NUP50: variants seen among roughly 807,000 people sequenced by gnomAD.
NUP50 encodes nuclear pore complex protein Nup50.
Under a neutral mutation model 36.8 loss-of-function variants are expected in NUP50, and 14 were observed. That is an observed-to-expected ratio of 0.38 (90% CI 0.25 to 0.59). The LOEUF (loss-of-function observed/expected upper bound fraction) is 0.59, where lower values mean the gene tolerates loss of function less well. NUP50 is among the 20% of genes least tolerant of loss of function. NUP50 has a pLI of 0.63. For missense variants in NUP50, 455 were observed against 564.6 expected (o/e 0.81, Z 1.97); for synonymous variants, 195 against 210.8 (o/e 0.93, Z 0.65).
intron 2 of NUP50, among the ~76,000 whole-genome samples, chr22:45,170,586 A>G (rs9626644): frequency 0.05 from 7,593 of 152,152 alleles, 499 homozygotes; most frequent in African/African-American, 0.14. Context: ...CTCCTCACAT[A>G]TGTTTAGGGA....
chr22:45,184,527 GTC>G lies in NUP50; in HGVS notation c.1281_1282del (p.Val429SerfsTer6). 1 of 1,613,512 alleles carries G rather than the reference GTC, an allele frequency of 6.2e-7. No homozygotes were observed. The highest frequency in any genetic ancestry group is 8.5e-7 in the Non-Finnish European group (1 of 1,179,548). On this transcript the variant is annotated frameshift_variant, in exon 8 of 8. Coordinates refer to ENST00000347635, the MANE Select transcript of NUP50 (RefSeq NM_007172.4). LOFTEE classifies it high-confidence loss of function. ...AACAGGGAAGAATAACGTTCTTATCGTCTGTGTTCCAAATCCACCAATTGACG... is the reference window on the plus strand; with the variant it reads ...AACAGGGAAGAATAACGTTCTTATCGTGTGTTCCAAATCCACCAATTGACG... ...TRTGKNNVLIVCVPNPPIDEK... is the reference protein window; with the variant it reads ...TRTGKNNVLIXCVPNPPIDEK...
chr22:45,184,413 G>T (rs756925349), intron 7 of NUP50, 40 bp from the exon 8 acceptor site: 26 of 1,571,064 alleles, frequency 1.7e-5, no homozygotes, highest in Non-Finnish European at 2.2e-5. Context: ...TGGAGCTATA[G>T]CTTCTATAAT....
At chr22:45,173,452 A>G (rs1225736179) in intron 3 of NUP50, among the ~76,000 whole-genome samples, 4 of 151,564 alleles carry the variant, frequency 2.6e-5, no homozygotes, top group African/African-American at 9.7e-5. Context: ...CTGGGAAGAT[A>G]CATGGGGGGA....
intron 3 of NUP50, among the ~76,000 whole-genome samples, chr22:45,175,509 T>C (rs1170610640): frequency 6.6e-6 from 1 of 152,200 alleles, no homozygotes; most frequent in Admixed American, 6.6e-5. Flanking sequence ...CAGTAAATGG[T>C]CTTTGACTGA....
At position 45,187,961 on chromosome 22, in the gene NUP50, CGAG is replaced by C. The variant is rs1320664268; in HGVS notation, c.*3309_*3311del. 1 of 152,614 alleles carries C rather than the reference CGAG, an allele frequency of 6.6e-6. No individual in the cohort carries two copies. The highest frequency in any genetic ancestry group is 1.9e-4 in the East Asian group (1 of 5,202). The allele number at this position is 152,614 out of a possible 1,614,324, so 9.5% of individuals were successfully genotyped here. ...TGTATTAGTTTTTGAATGCTCCCAT[CGAG>C]GAAGTGTAACAATCCATGAAATGTG... is the stretch of plus-strand genomic sequence containing the variant. On this transcript the variant is annotated 3_prime_UTR_variant, in exon 8 of 8. Coordinates refer to ENST00000347635, the MANE Select transcript of NUP50 (RefSeq NM_007172.4).
intron 3 of NUP50, among the ~76,000 whole-genome samples, chr22:45,173,883 AT>A (rs2074236577): frequency 6.6e-6 from 1 of 152,204 alleles, no homozygotes; most frequent in Admixed American, 6.5e-5. Context: ...TCCACAGATA[AT>A]TTTAGCTGTA....
intron 2 of NUP50, among the ~76,000 whole-genome samples, chr22:45,169,178 A>T (rs965288859): frequency 3.9e-5 from 6 of 152,236 alleles, no homozygotes; most frequent in Non-Finnish European, 8.8e-5. Context: ...CTGGGATTAC[A>T]GGCGAGAACC....
chr22:45,177,544 T>C (rs2074295431), intron 4 of NUP50, among the ~76,000 whole-genome samples: 1 of 152,152 alleles, frequency 6.6e-6, no homozygotes, highest in African/African-American at 2.4e-5. Flanking sequence ...TTTAATACTG[T>C]TCATCCCAAC....
At chr22:45,169,599 A>G (rs1162076594) in intron 2 of NUP50, among the ~76,000 whole-genome samples, 6 of 152,240 alleles carry the variant, frequency 3.9e-5, no homozygotes, top group African/African-American at 1.4e-4. Flanking sequence ...TTGTACTACT[A>G]ATATAACCAA....
chr22:45,178,940 G>T, intron 5 of NUP50, 40 bp downstream of exon 5: 1 of 1,551,760 alleles, frequency 6.4e-7, no homozygotes. Flanking sequence ...GTTTGCATAA[G>T]ATTCTTGTTT....
Position 45,181,364 on chromosome 22 carries a change from A to G in NUP50, c.1082A>G (p.Lys361Arg). Residue 361 changes from lysine (K) to arginine (R), a missense_variant, in exon 6 of 8, where the codon AAA (lysine) becomes AGA (arginine). This residue lies in a region of NUP50 where 287 missense variants were observed against 345.5 expected (regional missense o/e 0.83). Coordinates refer to ENST00000347635, the MANE Select transcript of NUP50 (RefSeq NM_007172.4). ...EVKEEDAFYS[K>R]KCKLFYKKDN... Reference sequence around the variant, plus strand: ...AAAGAAGAAGATGCTTTTTACTCCAAAAAGTAAGAATCCCCACAACCTGCT... The same window carrying G: ...AAAGAAGAAGATGCTTTTTACTCCAGAAAGTAAGAATCCCCACAACCTGCT... The G allele has an allele frequency of 1.3e-6, 2 of 1,581,726 alleles. No individual in the cohort carries two copies. The highest frequency in any genetic ancestry group is 1.2e-5 in the South Asian group (1 of 86,400).
chr22:45,169,415 AG>A (rs1427863910), intron 2 of NUP50, among the ~76,000 whole-genome samples: 11 of 152,212 alleles, frequency 7.2e-5, no homozygotes, highest in African/African-American at 2.7e-4. Flanking sequence ...ATGTGGGCGA[AG>A]GATTACCCAG....
At chr22:45,168,977 C>G (rs1364997781) in intron 2 of NUP50, among the ~76,000 whole-genome samples, 1 of 148,850 alleles carries the variant, frequency 6.7e-6, no homozygotes, top group East Asian at 2.0e-4. Context: ...CCTCGGCTCA[C>G]TGCAACTTTT....
At chr22:45,177,947 C>G (rs574078739) in intron 4 of NUP50, 2 of 326,308 alleles carry the variant, frequency 6.1e-6, no homozygotes, top group East Asian at 7.3e-5. Context: ...GCCAACATGA[C>G]GAAACCCCAT....
rs1209788847 is a variant in NUP50, at chr22:45,186,585, A to C, written c.*1930A>C. ...CTGCGTGTGTATGGAAAGTTGACAA[A>C]AAATGGCATGAAAAGATCATGATTG... On this transcript the variant is annotated 3_prime_UTR_variant, in exon 8 of 8. Coordinates refer to ENST00000347635, the MANE Select transcript of NUP50 (RefSeq NM_007172.4). The C allele has an allele frequency of 2.6e-5, 4 of 152,638 alleles. No homozygotes were observed. The highest frequency in any genetic ancestry group is 6.5e-5 in the Admixed American group (1 of 15,288). 9.5% of individuals were successfully genotyped at this position (152,638 alleles called of 1,614,324 possible).
At chr22:45,175,855 G>A in intron 3 of NUP50, 39 bp from the exon 4 acceptor site, 1 of 1,605,280 alleles carries the variant, frequency 6.2e-7, no homozygotes, top group Non-Finnish European at 8.5e-7. Flanking sequence ...GTAATAGAAA[G>A]TACACTTACC....
intron 3 of NUP50, among the ~76,000 whole-genome samples, chr22:45,172,785 G>A (rs2074216297): frequency 6.6e-6 from 1 of 152,172 alleles, no homozygotes; most frequent in Non-Finnish European, 1.5e-5. Context: ...TCAGTAAGAC[G>A]TTTACAACAG....
At chr22:45,183,084 G>GC (rs2074405508) in intron 6 of NUP50, among the ~76,000 whole-genome samples, 2 of 75,538 alleles carry the variant, frequency 2.6e-5, no homozygotes, top group Admixed American at 1.3e-4. Flanking sequence ...GGGGTTGGGG[G>GC]CGGGGGGGGG....
At position 45,171,670 on chromosome 22, in the gene NUP50, A is replaced by G. The variant is rs765669153; in HGVS notation, c.140A>G (p.Asn47Ser). 1.3e-5 allele frequency: 21 copies of G among 1,614,142 alleles called. No individual in the cohort carries two copies. In the East Asian group the frequency reaches 4.7e-4, roughly 36 times the overall value. The change falls in exon 3 of 8, where the codon AAT becomes AGT. Residue 47 changes from asparagine (N) to serine (S), a missense_variant. By Grantham distance (46) the Asn-to-Ser change is conservative. Transcript: ENST00000347635. The stretch of plus-strand genomic sequence containing the variant: ...GCCATAAAGAAAGCAAAGCGCAGAA[A>G]TGTTGGATTTGAAGTGAGTGCCCCC... ...NRAIKKAKRR[N>S]VGFESDTGGA...
Sources: allele counts gnomAD v4.1 joint callset (sites outside exome capture counted in the v4.1 genomes callset), GRCh38; gene constraint gnomAD v4.1.1; regional missense constraint gnomAD v4.1.1; transcripts MANE v1.5; gene names NCBI Gene and HGNC (gene_info 2026-07-23, HGNC 2026-07-21).